Variants in RABGAP1L observed in about 807,000 individuals in gnomAD.
RABGAP1L encodes RAB GTPase activating protein 1 like.
In RABGAP1L, 63 loss-of-function variants were observed where a neutral mutation model predicts 137.7. That is an observed-to-expected ratio of 0.46 (90% CI 0.37 to 0.56). The LOEUF is 0.56. Ranked by LOEUF, RABGAP1L falls within the 20% of genes least tolerant of loss-of-function variation. The pLI, the probability that RABGAP1L is intolerant of heterozygous loss-of-function variation, is 0.00. For missense variants in RABGAP1L, 1,095 were observed against 1,244.0 expected, an observed-to-expected ratio of 0.88 and a Z score of 1.80; for synonymous variants, 431 against 433.7, an observed-to-expected ratio of 0.99 and a Z score of 0.08.
chr1:174,952,356 A>AG (rs1558274465), intron 19 of RABGAP1L, among the ~76,000 whole-genome samples: 4 of 148,970 alleles, frequency 2.7e-5, no homozygotes, highest in Admixed American at 6.7e-5. Flanking sequence ...AAAAAAAAAA[A>AG]AAAAAAAAGC....
chr1:174,486,666 A>G (rs1020949277), intron 13 of RABGAP1L, among the ~76,000 whole-genome samples: 1 of 151,654 alleles, frequency 6.6e-6, no homozygotes, highest in Non-Finnish European at 1.5e-5. Flanking sequence ...TCTTTATTAC[A>G]TCTTTTCTTC....
intron 8 of RABGAP1L, among the ~76,000 whole-genome samples, chr1:174,275,574 T>G (rs900324913): frequency 1.3e-5 from 2 of 152,166 alleles, no homozygotes; most frequent in African/African-American, 4.8e-5. Flanking sequence ...GTTTTTTTGA[T>G]TCAGCATGTA....
At chr1:174,412,756 A>T (rs1418048800) in intron 13 of RABGAP1L, among the ~76,000 whole-genome samples, 1 of 151,736 alleles carries the variant, frequency 6.6e-6, no homozygotes, top group Non-Finnish European at 1.5e-5. Context: ...CTTAGTTGGA[A>T]TTTTTTTTCT....
At chr1:174,189,628 T>C (rs886235915) in intron 1 of RABGAP1L, among the ~76,000 whole-genome samples, 8 of 152,226 alleles carry the variant, frequency 5.3e-5, no homozygotes, top group African/African-American at 1.4e-4. Context: ...CATGGATTAA[T>C]GTGTTAGTGG....
At chr1:174,557,793 A>G (rs928966165) in intron 13 of RABGAP1L, among the ~76,000 whole-genome samples, 5 of 152,354 alleles carry the variant, frequency 3.3e-5, no homozygotes, top group Non-Finnish European at 5.9e-5. Context: ...CCTTCAGGAT[A>G]TACATTGGAA....
At chr1:174,498,458 A>G (rs553322087) in intron 13 of RABGAP1L, among the ~76,000 whole-genome samples, 3 of 152,124 alleles carry the variant, frequency 2.0e-5, no homozygotes, top group Non-Finnish European at 2.9e-5. Flanking sequence ...GGAAATACAT[A>G]TATTTAAACT....
At position 174,209,336 on chromosome 1, in the gene RABGAP1L, G is replaced by C. The variant is rs114807249; in HGVS notation, c.-33-9789G>C. 9.4e-3 allele frequency among the ~76,000 whole-genome samples: 1,433 copies of C among 152,172 alleles called. 22 individuals are homozygous for C. The highest frequency in any genetic ancestry group is 0.033 in the African/African-American group (1,375 of 41,490). On this transcript the variant is annotated intron_variant, in intron 1 of 25. Transcript: ENST00000681986. ...GCCTTGGCTCTTAGATGGTATTTCT[G>C]GACCTGCCCTGGACCAGAGGGGAGC...
intron 13 of RABGAP1L, among the ~76,000 whole-genome samples, chr1:174,458,388 A>G (rs1290504706): frequency 6.6e-6 from 1 of 151,924 alleles, no homozygotes; most frequent in Non-Finnish European, 1.5e-5. Context: ...GGTATGAGAC[A>G]TTATAATGCC....
intron 1 of RABGAP1L, among the ~76,000 whole-genome samples, chr1:174,191,081 G>C (rs1667181354): frequency 1.3e-5 from 2 of 152,140 alleles, no homozygotes; most frequent in South Asian, 4.1e-4. Context: ...AAAGATCGCT[G>C]ATCACAGATC....
intron 18 of RABGAP1L, among the ~76,000 whole-genome samples, chr1:174,780,883 C>T (rs1198404519): frequency 6.6e-6 from 1 of 150,882 alleles, no homozygotes; most frequent in Non-Finnish European, 1.5e-5. Flanking sequence ...ATCCATGTCC[C>T]TACAAAGGAC....
intron 11 of RABGAP1L, among the ~76,000 whole-genome samples, chr1:174,353,465 G>C (rs1683364487): frequency 6.6e-6 from 1 of 152,114 alleles, no homozygotes; most frequent in Admixed American, 6.5e-5. Flanking sequence ...CATAGCACCA[G>C]GACTTCCCCA....
intron 19 of RABGAP1L, among the ~76,000 whole-genome samples, chr1:174,903,200 G>C (rs1442598148): frequency 6.6e-6 from 1 of 152,212 alleles, no homozygotes; most frequent in African/African-American, 2.4e-5. Flanking sequence ...AGTACCATAA[G>C]TGTAAATATC....
At chr1:174,491,168 G>C (rs1660191313) in intron 13 of RABGAP1L, among the ~76,000 whole-genome samples, 1 of 152,028 alleles carries the variant, frequency 6.6e-6, no homozygotes, top group Non-Finnish European at 1.5e-5. Context: ...CCACAGCTGG[G>C]AAAGTGCTGT....
intron 14 of RABGAP1L, among the ~76,000 whole-genome samples, chr1:174,650,039 A>C (rs1572680171): frequency 2.0e-5 from 3 of 152,152 alleles, no homozygotes; most frequent in Non-Finnish European, 1.5e-5. Flanking sequence ...AGTTTTTAGC[A>C]TGAAGTGTTG....
At position 174,806,973 on chromosome 1, in the gene RABGAP1L, A is replaced by C. The variant is rs145100832; in HGVS notation, c.2212-4859A>C. Among the ~76,000 whole-genome samples the C allele has an allele frequency of 3.6e-3, 546 of 152,274 alleles. 4 individuals carry two copies. The highest frequency in any genetic ancestry group is 0.011 in the African/African-American group (467 of 41,554). On this transcript the variant is annotated intron_variant, in intron 18 of 25. Transcript: ENST00000681986. ...GCTAATTTTTGTATTTTTAGTAGAT[A>C]CAGGGTTTCACCATGTTGACCAGGC...
At chr1:174,319,064 T>C (rs899987030) in intron 11 of RABGAP1L, among the ~76,000 whole-genome samples, 3 of 152,030 alleles carry the variant, frequency 2.0e-5, no homozygotes, top group Non-Finnish European at 4.4e-5. Flanking sequence ...ATATTTGTAC[T>C]TACTTTTTTC....
intron 13 of RABGAP1L, among the ~76,000 whole-genome samples, chr1:174,529,176 T>A (rs996728420): frequency 6.6e-6 from 1 of 152,054 alleles, no homozygotes; most frequent in East Asian, 1.9e-4. Context: ...AATTATTGTG[T>A]TTCTTTGGAG....
chr1:174,932,846 A>G (rs1225873080), intron 19 of RABGAP1L, among the ~76,000 whole-genome samples: 3 of 152,064 alleles, frequency 2.0e-5, no homozygotes, highest in Non-Finnish European at 4.4e-5. Context: ...TGTTTCCATT[A>G]TTCTTCAAGC....
chr1:174,354,462 C>G lies in RABGAP1L; in HGVS notation c.1466-16517C>G, dbSNP rs553640940. On this transcript the variant is annotated intron_variant, in intron 11 of 25. Transcript: ENST00000681986. ...TATGTATGTTCTTTCCTATCATCTGCAAAGTGCTTCTCTCCTTTGCCACTT... is the reference window on the plus strand; with the variant it reads ...TATGTATGTTCTTTCCTATCATCTGGAAAGTGCTTCTCTCCTTTGCCACTT... Among the ~76,000 whole-genome samples, 4 of 152,166 alleles carry G rather than the reference C, an allele frequency of 2.6e-5. No individual in the cohort carries two copies. The East Asian group carries it at 7.7e-4, about 29-fold the overall frequency.
Sources: gnomAD v4.1 joint callset for allele counts (sites outside exome capture counted in the v4.1 genomes callset) on GRCh38, gnomAD v4.1.1 for gene constraint, MANE v1.5 for transcripts, NCBI Gene and HGNC (gene_info 2026-07-23, HGNC 2026-07-21) for gene names.